TEAD1: variants seen among roughly 807,000 people sequenced by gnomAD.
TEAD1 encodes TEA domain transcription factor 1.
Under a neutral mutation model 54.9 loss-of-function variants are expected in TEAD1, and 9 were observed. The observed-to-expected ratio is 0.16, with a 90% CI of 0.10 to 0.29. TEAD1 has a LOEUF of 0.29. Among genes scored for constraint, TEAD1 ranks in the 10% least tolerant of loss-of-function variants. TEAD1 has a pLI of 1.00. For missense variants in TEAD1, 387 were observed against 535.9 expected, an observed-to-expected ratio of 0.72 and a Z score of 2.74; for synonymous variants, 200 against 187.8, an observed-to-expected ratio of 1.07 and a Z score of -0.53.
chr11:12,892,993 A>G lies in TEAD1; in HGVS notation c.700-8947A>G, dbSNP rs1948229459. Among the ~76,000 whole-genome samples, 3 of 152,286 alleles carry G rather than the reference A, an allele frequency of 2.0e-5. No homozygotes were observed. In the South Asian group the frequency reaches 6.2e-4, roughly 32 times the overall value. On this transcript the variant is annotated intron_variant, in intron 9 of 12. Transcript: ENST00000527636. ...TTGACTGTTTCATTTGACCTTGTAG[A>G]CAGGCTAGGGTTCATCACTGCTCAG...
At chr11:12,749,077 G>C (rs754821612) in intron 2 of TEAD1, among the ~76,000 whole-genome samples, 1 of 152,156 alleles carries the variant, frequency 6.6e-6, no homozygotes, top group Non-Finnish European at 1.5e-5. Flanking sequence ...TCCTTAATCA[G>C]CAATGTGATG....
intron 3 of TEAD1, among the ~76,000 whole-genome samples, chr11:12,853,594 T>A (rs531946566): frequency 4.6e-5 from 7 of 152,244 alleles, no homozygotes; most frequent in Non-Finnish European, 1.0e-4. Flanking sequence ...TTCATTCATA[T>A]TTCTTTTTCA....
intron 3 of TEAD1, chr11:12,848,808 C>T (rs1947209729): frequency 6.6e-6 from 1 of 151,494 alleles, no homozygotes; most frequent in South Asian, 2.1e-4. Flanking sequence ...AAAATAGCTG[C>T]GTATAGTGGC....
chr11:12,833,719 C>A (rs1946827959), intron 3 of TEAD1, among the ~76,000 whole-genome samples: 1 of 152,070 alleles, frequency 6.6e-6, no homozygotes, highest in African/African-American at 2.4e-5. Flanking sequence ...TTCTTCCTTC[C>A]CATTTGGTCA....
At chr11:12,727,327 G>A (rs746258979) in intron 2 of TEAD1, among the ~76,000 whole-genome samples, 1 of 152,110 alleles carries the variant, frequency 6.6e-6, no homozygotes, top group Non-Finnish European at 1.5e-5. Context: ...AGAGACTGAC[G>A]CAGGAGAGGC....
chr11:12,836,492 G>A (rs1226883444), intron 3 of TEAD1, among the ~76,000 whole-genome samples: 2 of 152,058 alleles, frequency 1.3e-5, no homozygotes, highest in Non-Finnish European at 2.9e-5. Flanking sequence ...GTGTGGATGA[G>A]TTCAACTAGA....
chr11:12,782,274 A>G (rs1277006252), intron 3 of TEAD1, among the ~76,000 whole-genome samples: 4 of 152,262 alleles, frequency 2.6e-5, no homozygotes, highest in Non-Finnish European at 4.4e-5. Context: ...TTATTTGGCA[A>G]TAAAAAGGAA....
intron 10 of TEAD1, chr11:12,921,078 G>A (rs1948796565): frequency 6.6e-6 from 1 of 152,226 alleles, no homozygotes; most frequent in Non-Finnish European, 1.5e-5. Context: ...AAGGAGGAAT[G>A]TATATGCTTG....
In TEAD1 at chr11:12,687,236, C is replaced by A. The variant is rs553734797; in HGVS notation, c.-55+11675C>A. Among the ~76,000 whole-genome samples the A allele has an allele frequency of 3.4e-4, 52 of 152,304 alleles. 1 individual carries two copies. The highest frequency in any genetic ancestry group is 6.2e-4 in the Non-Finnish European group (42 of 68,024). On this transcript the variant is annotated intron_variant, in intron 2 of 12. Transcript: ENST00000527636. ...GATTAAAGAGAGAAAATGTGTGAGC[C>A]CTTAGGCAGAAAGGTCCTGGAAAAC...
chr11:12,835,406 A>G (rs1347559721), intron 3 of TEAD1, among the ~76,000 whole-genome samples: 1 of 151,746 alleles, frequency 6.6e-6, no homozygotes, highest in African/African-American at 2.4e-5. Flanking sequence ...GCAGTGGCGC[A>G]GTCTCGGTCA....
At chr11:12,811,543 G>A (rs781708346) in intron 3 of TEAD1, among the ~76,000 whole-genome samples, 3 of 152,150 alleles carry the variant, frequency 2.0e-5, no homozygotes, top group Admixed American at 6.5e-5. Flanking sequence ...TCCAAGGTCT[G>A]TGTGAGGGTT....
At chr11:12,827,517 C>A (rs1946680866) in intron 3 of TEAD1, among the ~76,000 whole-genome samples, 2 of 152,088 alleles carry the variant, frequency 1.3e-5, no homozygotes, top group Admixed American at 1.3e-4. Flanking sequence ...AAAGTAAGAC[C>A]CAGATAAGTT....
intron 10 of TEAD1, among the ~76,000 whole-genome samples, chr11:12,924,323 C>A (rs1358317822): frequency 6.6e-6 from 1 of 152,182 alleles, no homozygotes; most frequent in African/African-American, 2.4e-5. Context: ...TTTTATGTAT[C>A]TTCCATATCA....
Position 12,937,825 on chromosome 11 carries a change from A to G in TEAD1, c.*603A>G, listed in dbSNP as rs1949123990. On this transcript the variant is annotated 3_prime_UTR_variant, in exon 13 of 13. Coordinates refer to ENST00000527636, the MANE Select transcript of TEAD1 (RefSeq NM_021961.6). ...TTTTTCTTTTTGAAACCAAATGTTA[A>G]ACTATAGCCTTAAGAAATGCTTGGT... is the stretch of plus-strand genomic sequence containing the variant. The G allele has an allele frequency of 6.5e-6, 1 of 152,818 alleles. No individual in the cohort carries two copies. The highest frequency in any genetic ancestry group is 2.1e-4 in the South Asian group (1 of 4,840). The allele number at this position is 152,818 out of a possible 1,614,324, so 9.5% of individuals were successfully genotyped here. A position where few individuals can be genotyped will look rare whatever the true frequency, so the allele number is the denominator to read the frequency against.
chr11:12,695,983 A>AT (rs1196151052), intron 2 of TEAD1, among the ~76,000 whole-genome samples: 1 of 152,192 alleles, frequency 6.6e-6, no homozygotes, highest in Non-Finnish European at 1.5e-5. Context: ...CCAGAAATAC[A>AT]TTCCTATTTG....
At chr11:12,702,160 A>G (rs1201400705) in intron 2 of TEAD1, among the ~76,000 whole-genome samples, 1 of 152,142 alleles carries the variant, frequency 6.6e-6, no homozygotes, top group African/African-American at 2.4e-5. Context: ...CCCTCTCAGC[A>G]CTCAGGGGCC....
chr11:12,803,581 T>C (rs924988197), intron 3 of TEAD1, among the ~76,000 whole-genome samples: 13 of 152,110 alleles, frequency 8.5e-5, no homozygotes, highest in Non-Finnish European at 1.8e-4. Flanking sequence ...CCTCTGTGCC[T>C]GCTGTGTGGC....
intron 3 of TEAD1, among the ~76,000 whole-genome samples, chr11:12,850,193 T>C (rs1947244418): frequency 6.6e-6 from 1 of 152,156 alleles, no homozygotes; most frequent in Non-Finnish European, 1.5e-5. Context: ...CCCAGCACTT[T>C]CGGAGGCCGA....
chr11:12,882,877 A>C, intron 8 of TEAD1, 124 bp from the exon 9 acceptor site: 3 of 1,432,510 alleles, frequency 2.1e-6, no homozygotes, highest in Non-Finnish European at 2.9e-6. Context: ...TCCTGGCCAG[A>C]GCCGGTGGAG....
Sources: allele counts gnomAD v4.1 joint callset (sites outside exome capture counted in the v4.1 genomes callset), GRCh38; gene constraint gnomAD v4.1.1; transcripts MANE v1.5; gene names NCBI Gene and HGNC (gene_info 2026-07-23, HGNC 2026-07-21).